Variants in MTUS1 observed in about 807,000 individuals in gnomAD.
MTUS1 encodes microtubule associated scaffold protein 1, also known as microtubule-associated tumor suppressor 1.
A neutral mutation model predicts 120.8 loss-of-function variants in MTUS1; 109 were observed. That is an observed-to-expected ratio of 0.90 (90% CI 0.77 to 1.06). The LOEUF (loss-of-function observed/expected upper bound fraction) is 1.06, where lower values mean the gene tolerates loss of function less well. MTUS1 is among the 50% of genes least tolerant of loss of function. MTUS1 has a pLI of 0.00. For synonymous variants in MTUS1, 737 were observed against 550.5 expected, an observed-to-expected ratio of 1.34 and a Z score of -4.74; for missense variants, 2,210 against 1,486.3, an observed-to-expected ratio of 1.49 and a Z score of -8.01.
At chr8:17,655,839 A>G (rs1808090386) in intron 9 of MTUS1, 24 bp downstream of exon 9, 2 of 1,610,504 alleles carry the variant, frequency 1.2e-6, no homozygotes, top group African/African-American at 2.7e-5. Context: ...GCCTCAGACA[A>G]GCTCTGGCTG....
chr8:17,653,279 CT>C lies in MTUS1; in HGVS notation c.3290del (p.Lys1097SerfsTer6). ...LLSEKQESLE[K>X]QINDLKSEND... Reference sequence around the variant, plus strand: ...TTTCACTCTTCAGATCATTGATTTGCTTCTAAAACACAATGAAATGTGGAAC... The same window carrying C: ...TTTCACTCTTCAGATCATTGATTTGCTCTAAAACACAATGAAATGTGGAAC... On this transcript the variant is annotated frameshift_variant and splice_region_variant, in exon 12 of 15. Transcript: ENST00000693296. LOFTEE classifies it high-confidence loss of function. The C allele has an allele frequency of 1.3e-6, 2 of 1,544,358 alleles. No individual in the cohort carries two copies. Among genetic ancestry groups the C allele is most frequent in the Non-Finnish European group, 1.7e-6 (2 of 1,146,384 alleles).
chr8:17,651,001 G>A (rs1273362947), intron 12 of MTUS1, among the ~76,000 whole-genome samples: 1 of 152,168 alleles, frequency 6.6e-6, no homozygotes, highest in Non-Finnish European at 1.5e-5. Flanking sequence ...AGGGGCCTCG[G>A]GGATTACTTA....
chr8:17,735,856 G>A lies in MTUS1; in HGVS notation c.2287+7748C>T, dbSNP rs556850760. ...GAACTCTATCCTTATGGATTTCACC[G>A]TCTAGAAGGAGACAGACATGTAAGG... On this transcript the variant is annotated intron_variant, in intron 3 of 14. Coordinates refer to ENST00000693296, the MANE Select transcript of MTUS1 (RefSeq NM_001363059.2). Among the ~76,000 whole-genome samples, 8 of 152,348 alleles carry A rather than the reference G, an allele frequency of 5.3e-5. 1 individual carries two copies. In the South Asian group the frequency reaches 1.0e-3, roughly 20 times the overall value.
intron 7 of MTUS1, among the ~76,000 whole-genome samples, chr8:17,683,349 C>G (rs947516788): frequency 7.2e-5 from 11 of 152,096 alleles, no homozygotes; most frequent in African/African-American, 2.4e-4. Context: ...TCATCCACTT[C>G]TCTCTCTCCC....
Position 17,784,145 on chromosome 8 carries a change from A to G in MTUS1, c.-155+16916T>C, listed in dbSNP as rs144771727. Among the ~76,000 whole-genome samples, 20 of 152,320 alleles carry G rather than the reference A, an allele frequency of 1.3e-4. No homozygotes were observed. The East Asian group carries it at 3.9e-3, about 29-fold the overall frequency. ...AAATAACATCTCTCCTTTTGATACT[A>G]ACTTCCTATAGCTTAGCCGTTATAG... On this transcript the variant is annotated intron_variant, in intron 1 of 14. Coordinates refer to ENST00000693296, the MANE Select transcript of MTUS1 (RefSeq NM_001363059.2).
At chr8:17,705,085 C>T (rs181458430) in intron 6 of MTUS1, among the ~76,000 whole-genome samples, 25 of 152,164 alleles carry the variant, frequency 1.6e-4, no homozygotes, top group African/African-American at 4.1e-4. Context: ...CTGGGTTCAA[C>T]GATTCTTCTG....
intron 3 of MTUS1, among the ~76,000 whole-genome samples, chr8:17,737,512 AGGGT>A (rs2047017102): frequency 1.3e-5 from 2 of 152,218 alleles, no homozygotes; most frequent in Middle Eastern, 3.2e-3. Flanking sequence ...TTTCAGAGAC[AGGGT>A]CTTGCCCTGT....
intron 5 of MTUS1, among the ~76,000 whole-genome samples, 172 bp from the exon 6 acceptor site, chr8:17,713,424 T>C (rs554845879): frequency 2.6e-5 from 4 of 152,230 alleles, no homozygotes; most frequent in African/African-American, 9.6e-5. Flanking sequence ...ATTTTAAATA[T>C]AAGGTGATAT....
chr8:17,711,916 G>A (rs924574398), intron 6 of MTUS1, among the ~76,000 whole-genome samples: 7 of 152,152 alleles, frequency 4.6e-5, no homozygotes, highest in African/African-American at 1.7e-4. Flanking sequence ...GATGGAAGAG[G>A]GACCAGTCAG....
At chr8:17,697,305 G>A in intron 6 of MTUS1, 1 of 1,614,154 alleles carries the variant, frequency 6.2e-7, no homozygotes, top group Non-Finnish European at 8.5e-7. Context: ...GGAAGTCGAA[G>A]GTTTCGAAGC....
chr8:17,784,442 C>T (rs1033258928), intron 1 of MTUS1, among the ~76,000 whole-genome samples: 2 of 151,920 alleles, frequency 1.3e-5, no homozygotes, highest in Non-Finnish European at 2.9e-5. Context: ...ATTACAGGTG[C>T]GCACCACCAT....
In MTUS1 at chr8:17,755,286, T is replaced by A. The variant is rs1178582019; in HGVS notation, c.522A>T (p.Ser174=). The A allele has an allele frequency of 6.2e-7, 1 of 1,614,080 alleles. No homozygotes were observed. The highest frequency in any genetic ancestry group is 8.5e-7 in the Non-Finnish European group (1 of 1,180,038). The change falls in exon 2 of 15, where the codon TCA becomes TCT. Residue 174 remains serine, a synonymous_variant. Transcript: ENST00000693296. ...TVDKVNCTFI[S]HHAIGKSQSF... Reference sequence around the variant, plus strand: ...ACTGACTCTTTCCGATGGCATGATGTGATATAAAGGTGCAGTTAACTTTAT... The same window carrying A: ...ACTGACTCTTTCCGATGGCATGATGAGATATAAAGGTGCAGTTAACTTTAT...
Position 17,654,672 on chromosome 8 carries a change from A to C in MTUS1, c.3109-6T>G. 4 of 1,606,706 alleles carry C rather than the reference A, an allele frequency of 2.5e-6. No individual in the cohort carries two copies. Among genetic ancestry groups the C allele is most frequent in the Non-Finnish European group, 3.4e-6 (4 of 1,173,170 alleles). ...GCAGCATTTAAGTTGTCAAACTGTA[A>C]GCAACAAACAAAACCGTGGTTTAAC... is the stretch of plus-strand genomic sequence containing the variant. On this transcript the variant is annotated splice_polypyrimidine_tract_variant and splice_region_variant and intron_variant, in intron 9 of 14. Coordinates refer to ENST00000693296, the MANE Select transcript of MTUS1 (RefSeq NM_001363059.2).
intron 8 of MTUS1, among the ~76,000 whole-genome samples, chr8:17,667,612 T>C (rs867825499): frequency 2.6e-5 from 4 of 152,250 alleles, no homozygotes; most frequent in South Asian, 2.1e-4. Flanking sequence ...TCTTAAACTC[T>C]TGATTAGAAG....
chr8:17,649,955 G>T lies in MTUS1; in HGVS notation c.3392C>A (p.Pro1131His), dbSNP rs772253378. 2.6e-6 allele frequency: 4 copies of T among 1,564,768 alleles called. No individual in the cohort carries two copies. The highest frequency in any genetic ancestry group is 2.2e-5 in the East Asian group (1 of 44,548). ...RAREKANLKNPQIMYLEQELE... is the reference protein window; with the variant it reads ...RAREKANLKNHQIMYLEQELE... ...CTCCTGTTCTAGATACATGATCTGA[G>T]GATTTTTCTGGAAAGGACACAGCAA... Residue 1131 changes from proline (P) to histidine (H), a missense_variant, in exon 13 of 15, where the codon CCT becomes CAT. Physicochemically the swap from Pro to His is moderately conservative, Grantham distance 77. Transcript: ENST00000693296.
intron 8 of MTUS1, among the ~76,000 whole-genome samples, chr8:17,672,643 C>G (rs949797200): frequency 6.6e-6 from 1 of 152,182 alleles, no homozygotes; most frequent in Non-Finnish European, 1.5e-5. Context: ...AAACCCTTCT[C>G]CAAACGGAGA....
chr8:17,733,587 G>C (rs186264573), intron 3 of MTUS1, among the ~76,000 whole-genome samples: 8 of 152,170 alleles, frequency 5.3e-5, no homozygotes, highest in Non-Finnish European at 1.2e-4. Context: ...TATCCAATTT[G>C]CCTGGTTAAA....
chr8:17,666,090 CTTTTTT>C (rs57062684), intron 8 of MTUS1, among the ~76,000 whole-genome samples: 12 of 111,088 alleles, frequency 1.1e-4, no homozygotes, highest in Non-Finnish European at 2.0e-4. Flanking sequence ...AGAACAGATG[CTTTTTT>C]TTTTTTTTTT....
In MTUS1 at chr8:17,654,673, G is replaced by T. The variant is rs1807813674; in HGVS notation, c.3109-7C>A. ...CAGCATTTAAGTTGTCAAACTGTAAGCAACAAACAAAACCGTGGTTTAACA... is the reference window on the plus strand; with the variant it reads ...CAGCATTTAAGTTGTCAAACTGTAATCAACAAACAAAACCGTGGTTTAACA... On this transcript the variant is annotated splice_polypyrimidine_tract_variant and splice_region_variant and intron_variant, in intron 9 of 14. Coordinates refer to ENST00000693296, the MANE Select transcript of MTUS1 (RefSeq NM_001363059.2). 1.2e-6 allele frequency: 2 copies of T among 1,605,328 alleles called. No homozygotes were observed. Among genetic ancestry groups the T allele is most frequent in the Non-Finnish European group, 8.5e-7 (1 of 1,172,060 alleles).
Sources: gnomAD v4.1 joint callset for allele counts (sites outside exome capture counted in the v4.1 genomes callset) on GRCh38, gnomAD v4.1.1 for gene constraint, MANE v1.5 for transcripts, NCBI Gene and HGNC (gene_info 2026-07-23, HGNC 2026-07-21) for gene names.